Variants in SYT1 observed in about 807,000 individuals in gnomAD.
The protein encoded by SYT1 is synaptotagmin 1.
A neutral mutation model predicts 44.8 loss-of-function variants in SYT1; 8 were observed. That is an observed-to-expected ratio of 0.18 (90% CI 0.10 to 0.32). SYT1 has a LOEUF of 0.32. Ranked by LOEUF, SYT1 falls within the 10% of genes least tolerant of loss-of-function variation. The pLI is 1.00. For missense variants in SYT1, 286 were observed against 509.3 expected (o/e 0.56, Z 4.22); for synonymous variants, 154 against 188.8 (o/e 0.82, Z 1.51).
intron 9 of SYT1, among the ~76,000 whole-genome samples, chr12:79,383,455 T>C (rs1490760539): frequency 6.6e-6 from 1 of 152,204 alleles, no homozygotes; most frequent in Non-Finnish European, 1.5e-5. Flanking sequence ...CTGTTCAATA[T>C]GGTACAATGG....
intron 9 of SYT1, among the ~76,000 whole-genome samples, chr12:79,389,259 C>T (rs1165091906): frequency 2.0e-5 from 3 of 152,004 alleles, no homozygotes; most frequent in East Asian, 1.9e-4. Context: ...ATATGTTAGC[C>T]GTAATTTCTG....
At chr12:78,897,135 C>A (rs1209436445) in intron 1 of SYT1, among the ~76,000 whole-genome samples, 1 of 151,754 alleles carries the variant, frequency 6.6e-6, no homozygotes, top group African/African-American at 2.4e-5. Flanking sequence ...GCAAACCTGG[C>A]ATTTAAATAT....
chr12:79,392,381 CTA>C (rs1884692684), intron 9 of SYT1: 1 of 152,102 alleles, frequency 6.6e-6, no homozygotes, highest in South Asian at 2.1e-4. Context: ...TTGAAATAAA[CTA>C]TCAGCTGAAC....
At chr12:79,309,766 A>T (rs1440697360) in intron 8 of SYT1, among the ~76,000 whole-genome samples, 2 of 152,236 alleles carry the variant, frequency 1.3e-5, no homozygotes, top group African/African-American at 4.8e-5. Context: ...TTTAATGTTC[A>T]TGGGTACATT....
intron 1 of SYT1, among the ~76,000 whole-genome samples, chr12:78,868,409 C>T (rs1390606748): frequency 6.6e-6 from 1 of 151,654 alleles, no homozygotes; most frequent in African/African-American, 2.4e-5. Flanking sequence ...TTTTAAAATT[C>T]TTAAATAATT....
chr12:79,231,735 A>G (rs1875881660), intron 4 of SYT1, among the ~76,000 whole-genome samples: 1 of 152,176 alleles, frequency 6.6e-6, no homozygotes, highest in South Asian at 2.1e-4. Flanking sequence ...TTATTTTTGT[A>G]AGGATTTGGA....
chr12:79,141,583 T>C (rs1869559140), intron 3 of SYT1, among the ~76,000 whole-genome samples: 1 of 152,184 alleles, frequency 6.6e-6, no homozygotes, highest in Admixed American at 6.5e-5. Flanking sequence ...AAACTAATGT[T>C]GTTCTAGCAC....
At chr12:78,932,780 T>G (rs927670011) in intron 1 of SYT1, among the ~76,000 whole-genome samples, 9 of 152,204 alleles carry the variant, frequency 5.9e-5, no homozygotes, top group Middle Eastern at 3.2e-3. Flanking sequence ...TTATATAGTA[T>G]TATGCAAATA....
intron 3 of SYT1, among the ~76,000 whole-genome samples, chr12:79,158,554 A>G (rs1462324305): frequency 2.6e-5 from 4 of 152,118 alleles, no homozygotes; most frequent in Non-Finnish European, 5.9e-5. Context: ...ACCTAAAATA[A>G]GAGAGTGACC....
intron 2 of SYT1, among the ~76,000 whole-genome samples, chr12:78,982,967 C>T (rs1019797294): frequency 1.3e-5 from 2 of 152,096 alleles, no homozygotes; most frequent in African/African-American, 4.8e-5. Context: ...CTCATGGAGA[C>T]TACCTTCTAG....
chr12:79,043,417 A>C (rs1397688722), intron 2 of SYT1, among the ~76,000 whole-genome samples: 1 of 147,566 alleles, frequency 6.8e-6, no homozygotes, highest in Non-Finnish European at 1.5e-5. Context: ...TGTTGGTTTA[A>C]AGTCTGTTTT....
At chr12:79,040,122 CT>C (rs1873440677) in intron 2 of SYT1, among the ~76,000 whole-genome samples, 1 of 152,070 alleles carries the variant, frequency 6.6e-6, no homozygotes, top group African/African-American at 2.4e-5. Flanking sequence ...CTTTATAGTC[CT>C]TTGGGTATAT....
At chr12:79,400,948 A>C (rs1885045582) in intron 9 of SYT1, among the ~76,000 whole-genome samples, 1 of 152,224 alleles carries the variant, frequency 6.6e-6, no homozygotes, top group African/African-American at 2.4e-5. Flanking sequence ...ATAATCATTG[A>C]GAGACCCTGT....
At chr12:79,295,263 G>A (rs1034076253) in intron 6 of SYT1, among the ~76,000 whole-genome samples, 3 of 151,302 alleles carry the variant, frequency 2.0e-5, no homozygotes, top group African/African-American at 7.3e-5. Context: ...TTTTTTCTTC[G>A]CAAAAATATT....
At chr12:79,423,170 G>C (rs1242080682) in intron 9 of SYT1, among the ~76,000 whole-genome samples, 2 of 152,106 alleles carry the variant, frequency 1.3e-5, no homozygotes, top group African/African-American at 2.4e-5. Flanking sequence ...AGCATTGTAT[G>C]TGTGTGTGTC....
intron 3 of SYT1, among the ~76,000 whole-genome samples, chr12:79,193,912 C>A (rs1873282805): frequency 6.6e-6 from 1 of 152,058 alleles, no homozygotes; most frequent in African/African-American, 2.4e-5. Flanking sequence ...CCAATATGCT[C>A]TGATAAATAA....
At chr12:79,024,099 T>A (rs2137636841) in intron 2 of SYT1, among the ~76,000 whole-genome samples, 1 of 151,728 alleles carries the variant, frequency 6.6e-6, no homozygotes, top group South Asian at 2.1e-4. Context: ...AAGGAGGAAG[T>A]GTGAAGGGCA....
intron 2 of SYT1, among the ~76,000 whole-genome samples, chr12:79,032,473 G>A (rs957129872): frequency 6.6e-6 from 1 of 151,070 alleles, no homozygotes; most frequent in Non-Finnish European, 1.5e-5. Flanking sequence ...CTTCACTTGG[G>A]GCTACCTCCA....
chr12:79,040,232 C>T (rs1471801244), intron 2 of SYT1, among the ~76,000 whole-genome samples: 1 of 150,806 alleles, frequency 6.6e-6, no homozygotes, highest in Non-Finnish European at 1.5e-5. Context: ...AGTTTACAGT[C>T]CCACCAACAG....
Sources: allele counts gnomAD v4.1 joint callset (sites outside exome capture counted in the v4.1 genomes callset), GRCh38; gene constraint gnomAD v4.1.1; transcripts MANE v1.5; gene names NCBI Gene and HGNC (gene_info 2026-07-23, HGNC 2026-07-21).